KALRN: variants seen among roughly 807,000 people sequenced by gnomAD.
The protein encoded by KALRN is kalirin.
KALRN carries 70 observed loss-of-function variants against 353.7 expected under a neutral mutation model. The ratio of observed to expected loss-of-function variants is 0.20; its 90% CI spans 0.16 to 0.24. The LOEUF (loss-of-function observed/expected upper bound fraction) is 0.24, where lower values mean the gene tolerates loss of function less well. Ranked by LOEUF, KALRN falls within the 10% of genes least tolerant of loss-of-function variation. KALRN has a pLI of 1.00. For missense variants in KALRN, 2,791 were observed against 3,756.7 expected, an observed-to-expected ratio of 0.74 and a Z score of 6.72; for synonymous variants, 1,391 against 1,434.8, an observed-to-expected ratio of 0.97 and a Z score of 0.69.
chr3:124,260,142 G>C (rs530222442), intron 3 of KALRN, among the ~76,000 whole-genome samples: 2 of 152,280 alleles, frequency 1.3e-5, no homozygotes, highest in Middle Eastern at 3.4e-3. Flanking sequence ...GGTGCCTAGG[G>C]CAAGAGTACA....
intron 9 of KALRN, among the ~76,000 whole-genome samples, chr3:124,343,737 C>A (rs1043328400): frequency 1.3e-5 from 2 of 152,216 alleles, no homozygotes; most frequent in African/African-American, 2.4e-5. Context: ...AGAGAAGATG[C>A]GTTTGGCTGT....
intron 1 of KALRN, among the ~76,000 whole-genome samples, chr3:124,186,609 T>C (rs1341547459): frequency 6.6e-6 from 1 of 152,208 alleles, no homozygotes; most frequent in Non-Finnish European, 1.5e-5. Flanking sequence ...AGGTGTCCAG[T>C]TATTTACTGG....
intron 51 of KALRN, among the ~76,000 whole-genome samples, chr3:124,683,948 T>C (rs1221960183): frequency 6.6e-6 from 1 of 152,270 alleles, no homozygotes; most frequent in African/African-American, 2.4e-5. Flanking sequence ...TTTATTTTTA[T>C]GTTTTGTAGT....
intron 34 of KALRN, among the ~76,000 whole-genome samples, chr3:124,604,565 C>G (rs1020242329): frequency 1.3e-5 from 2 of 152,106 alleles, no homozygotes; most frequent in African/African-American, 4.8e-5. Flanking sequence ...TAAATTATTC[C>G]ACTAAGGGGA....
At chr3:124,417,375 A>G (rs2092562579) in intron 14 of KALRN, among the ~76,000 whole-genome samples, 1 of 152,144 alleles carries the variant, frequency 6.6e-6, no homozygotes, top group Non-Finnish European at 1.5e-5. Flanking sequence ...GCCAGGCCAT[A>G]CTTCTTCTCT....
chr3:124,705,954 T>C (rs1380634652), intron 57 of KALRN, among the ~76,000 whole-genome samples: 1 of 150,902 alleles, frequency 6.6e-6, no homozygotes, highest in Admixed American at 6.6e-5. Context: ...CTCTGTCACC[T>C]AGGCTGGACT....
chr3:124,672,061 T>C (rs920774677), intron 48 of KALRN, among the ~76,000 whole-genome samples, 163 bp downstream of exon 48: 3 of 152,200 alleles, frequency 2.0e-5, no homozygotes, highest in Non-Finnish European at 4.4e-5. Flanking sequence ...CGAATTCTCC[T>C]GTCTCAGCCT....
intron 33 of KALRN, among the ~76,000 whole-genome samples, chr3:124,517,519 G>A (rs2066751759): frequency 1.3e-5 from 2 of 152,180 alleles, no homozygotes; most frequent in African/African-American, 4.8e-5. Context: ...TTGCTCTTTA[G>A]AATATATCAC....
chr3:124,473,460 T>C (rs2061140251), intron 25 of KALRN, among the ~76,000 whole-genome samples: 1 of 152,214 alleles, frequency 6.6e-6, no homozygotes, highest in East Asian at 1.9e-4. Context: ...GGTAATGTCT[T>C]TTCTTAGTTT....
At chr3:124,206,972 G>T (rs1181806627) in intron 1 of KALRN, among the ~76,000 whole-genome samples, 2 of 152,208 alleles carry the variant, frequency 1.3e-5, no homozygotes. Flanking sequence ...TTTCCAAGGG[G>T]TTGGTAGAAT....
chr3:124,552,107 T>C (rs2070613104), intron 33 of KALRN, among the ~76,000 whole-genome samples: 1 of 152,222 alleles, frequency 6.6e-6, no homozygotes, highest in Non-Finnish European at 1.5e-5. Flanking sequence ...ATGTTAATTA[T>C]TATCTTAGTC....
intron 34 of KALRN, among the ~76,000 whole-genome samples, chr3:124,619,225 C>G (rs2078999737): frequency 6.6e-6 from 1 of 151,940 alleles, no homozygotes; most frequent in African/African-American, 2.4e-5. Context: ...CAGGTTCATC[C>G]AAGTGGCAGA....
rs762611822 is a variant in KALRN, at chr3:124,490,791, G to A, written c.4494G>A (p.Arg1498=). Residue 1498 remains arginine (R), a synonymous_variant, in exon 30 of 60, where the codon CGG becomes CGA. Transcript: ENST00000682506. ...PKSLIRKGRE[R]HLFLFEISLV... ...CGCTGATCCGGAAGGGGCGGGAGCG[G>A]CACTTGTTCCTCTTTGAGATCTCCT... 1 of 1,613,972 alleles carries A rather than the reference G, an allele frequency of 6.2e-7. No homozygotes were observed. Among genetic ancestry groups the A allele is most frequent in the South Asian group, 1.1e-5 (1 of 91,070 alleles).
chr3:124,415,967 A>G (rs910368006), intron 14 of KALRN, among the ~76,000 whole-genome samples: 1 of 152,242 alleles, frequency 6.6e-6, no homozygotes, highest in Non-Finnish European at 1.5e-5. Context: ...TTAGGGAAGT[A>G]GGGGAAACTG....
intron 3 of KALRN, among the ~76,000 whole-genome samples, chr3:124,253,941 G>T (rs1278888370): frequency 1.3e-5 from 2 of 152,198 alleles, no homozygotes; most frequent in Admixed American, 6.5e-5. Flanking sequence ...CATCAGAATG[G>T]ATCAATGTGA....
chr3:124,228,812 C>A (rs953492667), intron 2 of KALRN, among the ~76,000 whole-genome samples: 1 of 151,962 alleles, frequency 6.6e-6, no homozygotes, highest in Non-Finnish European at 1.5e-5. Context: ...ATCTAGGGGT[C>A]AGCAGGGCTG....
At chr3:124,672,719 GGA>G (rs1324110401) in intron 48 of KALRN, among the ~76,000 whole-genome samples, 1 of 152,212 alleles carries the variant, frequency 6.6e-6, no homozygotes, top group Non-Finnish European at 1.5e-5. Flanking sequence ...AGGTAGAACA[GGA>G]GAGAAATGGG....
At chr3:124,363,464 C>T (rs554043464) in intron 10 of KALRN, among the ~76,000 whole-genome samples, 8 of 152,322 alleles carry the variant, frequency 5.3e-5, no homozygotes, top group Admixed American at 4.6e-4. Flanking sequence ...GGAATGATAT[C>T]TATTCCATTT....
intron 5 of KALRN, among the ~76,000 whole-genome samples, chr3:124,277,927 C>T (rs1348465272): frequency 6.6e-6 from 1 of 152,090 alleles, no homozygotes; most frequent in African/African-American, 2.4e-5. Flanking sequence ...AGAATCTGGG[C>T]TGTCACACTG....
Sources: allele counts gnomAD v4.1 joint callset (sites outside exome capture counted in the v4.1 genomes callset), GRCh38; gene constraint gnomAD v4.1.1; transcripts MANE v1.5; gene names NCBI Gene and HGNC (gene_info 2026-07-23, HGNC 2026-07-21).